LRRC8D: variants seen among roughly 807,000 people sequenced by gnomAD.
The protein encoded by LRRC8D is leucine rich repeat containing 8 VRAC subunit D, also known as volume-regulated anion channel subunit LRRC8D.
LRRC8D carries 20 observed loss-of-function variants against 55.8 expected under a neutral mutation model. The observed-to-expected ratio is 0.36, with a 90% CI of 0.25 to 0.52. The LOEUF (loss-of-function observed/expected upper bound fraction) is 0.52, where lower values mean the gene tolerates loss of function less well. Among genes scored for constraint, LRRC8D ranks in the 20% least tolerant of loss-of-function variants. LRRC8D has a pLI of 0.93. For missense variants in LRRC8D, 651 were observed against 1,030.8 expected, an observed-to-expected ratio of 0.63 and a Z score of 5.05; for synonymous variants, 352 against 377.0, an observed-to-expected ratio of 0.93 and a Z score of 0.77.
intron 2 of LRRC8D, among the ~76,000 whole-genome samples, chr1:89,912,421 T>C (rs145610317): frequency 1.7e-5 from 2 of 115,330 alleles, no homozygotes; most frequent in African/African-American, 6.7e-5. Flanking sequence ...CCCCACCCTT[T>C]GGTGTTCTGG....
At chr1:89,850,056 A>G (rs1186898713) in intron 2 of LRRC8D, among the ~76,000 whole-genome samples, 1 of 152,160 alleles carries the variant, frequency 6.6e-6, no homozygotes, top group Non-Finnish European at 1.5e-5. Context: ...GTAATTTGAG[A>G]TACGAAGTAT....
chr1:89,882,084 G>T (rs1662299202), intron 2 of LRRC8D, among the ~76,000 whole-genome samples: 1 of 152,200 alleles, frequency 6.6e-6, no homozygotes, highest in African/African-American at 2.4e-5. Flanking sequence ...TTAGGACCAG[G>T]ACCTATGTTT....
chr1:89,825,577 T>G (rs891889261), intron 1 of LRRC8D, among the ~76,000 whole-genome samples: 4 of 152,244 alleles, frequency 2.6e-5, no homozygotes, highest in African/African-American at 9.6e-5. Flanking sequence ...TTTTCTTTTT[T>G]GCTAATATGC....
intron 2 of LRRC8D, among the ~76,000 whole-genome samples, chr1:89,904,891 C>T (rs557361730): frequency 9.2e-5 from 14 of 152,108 alleles, no homozygotes; most frequent in Admixed American, 2.6e-4. Context: ...AAATGTTGAC[C>T]GCGTTAAAGT....
In LRRC8D at chr1:89,825,757, T is replaced by C. The variant is rs142791991; in HGVS notation, c.-148+4466T>C. ...ACATTAGGAAATTACCATTCCCAGA[T>C]GTCTTCTGAAGCTGGCAGGTAAGAA... On this transcript the variant is annotated intron_variant, in intron 1 of 2. Coordinates refer to ENST00000337338, the MANE Select transcript of LRRC8D (RefSeq NM_001134479.2). 5.3e-3 allele frequency among the ~76,000 whole-genome samples: 806 copies of C among 152,372 alleles called. 1 individual carries two copies. Among genetic ancestry groups the C allele is most frequent in the Middle Eastern group, 0.014 (4 of 294 alleles).
rs1200354411 is a variant in LRRC8D, at chr1:89,828,087, T to C, written c.-148+6796T>C. ...CAGCTCAGAACCACCATCTTAGTAG[T>C]TGTGCACGAAGGCTGGGTACTGACT... On this transcript the variant is annotated intron_variant, in intron 1 of 2. Transcript: ENST00000337338. Among the ~76,000 whole-genome samples the C allele has an allele frequency of 2.0e-5, 3 of 152,360 alleles. No homozygotes were observed. In the East Asian group the frequency reaches 5.8e-4, roughly 29 times the overall value.
At chr1:89,870,459 A>G (rs1661977579) in intron 2 of LRRC8D, among the ~76,000 whole-genome samples, 2 of 152,110 alleles carry the variant, frequency 1.3e-5, no homozygotes, top group Non-Finnish European at 2.9e-5. Context: ...CTGGGCGACA[A>G]AGCGAGACCC....
At chr1:89,892,462 TCTAG>T (rs1662601787) in intron 2 of LRRC8D, among the ~76,000 whole-genome samples, 2 of 152,302 alleles carry the variant, frequency 1.3e-5, no homozygotes, top group African/African-American at 4.8e-5. Context: ...TATTTAGCAC[TCTAG>T]GTGCAGTCAT....
chr1:89,924,034 C>G (rs564467063), intron 2 of LRRC8D, among the ~76,000 whole-genome samples: 19 of 152,334 alleles, frequency 1.2e-4, no homozygotes, highest in African/African-American at 3.6e-4. Context: ...GAATTTATGA[C>G]TAAGTCCCCA....
At chr1:89,871,631 G>A (rs767520871) in intron 2 of LRRC8D, among the ~76,000 whole-genome samples, 6 of 151,924 alleles carry the variant, frequency 3.9e-5, no homozygotes, top group Non-Finnish European at 5.9e-5. Flanking sequence ...TCTTTCTACT[G>A]TTTACAGGAA....
rs541463125 is a variant in LRRC8D at position 89,851,716 on chromosome 1, C to T, written c.-3+7934C>T. ...GTAGAGATGGGGTTTCACCATGTTG[C>T]GCAGGCTGGTCTCAAACTCCTGAGC... On this transcript the variant is annotated intron_variant, in intron 2 of 2. Coordinates refer to ENST00000337338, the MANE Select transcript of LRRC8D (RefSeq NM_001134479.2). Among the ~76,000 whole-genome samples the T allele has an allele frequency of 3.3e-5, 5 of 151,970 alleles. No homozygotes were observed. The South Asian group carries it at 8.3e-4, about 25-fold the overall frequency.
chr1:89,896,746 CCTTT>C (rs886764243), intron 2 of LRRC8D, among the ~76,000 whole-genome samples: 6 of 152,092 alleles, frequency 3.9e-5, no homozygotes, highest in Non-Finnish European at 7.4e-5. Flanking sequence ...TTTCTTTCTC[CCTTT>C]CTGTCTTTCT....
At chr1:89,868,455 A>G (rs72716329) in intron 2 of LRRC8D, among the ~76,000 whole-genome samples, 217 of 152,272 alleles carry the variant, frequency 1.4e-3, no homozygotes, top group Non-Finnish European at 2.4e-3. Flanking sequence ...CCCTCAACAC[A>G]TGCATGAAAG....
At chr1:89,863,904 A>G (rs763531934) in intron 2 of LRRC8D, among the ~76,000 whole-genome samples, 2 of 152,206 alleles carry the variant, frequency 1.3e-5, no homozygotes, top group Non-Finnish European at 2.9e-5. Flanking sequence ...GTGAATTTGC[A>G]TGGAGAGGTT....
chr1:89,858,050 G>A (rs1169937070), intron 2 of LRRC8D, among the ~76,000 whole-genome samples: 1 of 152,094 alleles, frequency 6.6e-6, no homozygotes, highest in African/African-American at 2.4e-5. Context: ...CCAACATGGT[G>A]AAACCCCGTC....
chr1:89,914,116 G>A (rs1663197149), intron 2 of LRRC8D, among the ~76,000 whole-genome samples: 1 of 152,220 alleles, frequency 6.6e-6, no homozygotes, highest in Non-Finnish European at 1.5e-5. Flanking sequence ...TGGTAAAGAA[G>A]TAAAAATTAT....
chr1:89,846,768 C>T (rs1570815794), intron 2 of LRRC8D: 1 of 151,898 alleles, frequency 6.6e-6, no homozygotes, highest in South Asian at 2.1e-4. Flanking sequence ...TTGTATTCTG[C>T]CAAAATTCTA....
chr1:89,849,691 C>T (rs1029889931), intron 2 of LRRC8D, among the ~76,000 whole-genome samples: 7 of 151,956 alleles, frequency 4.6e-5, no homozygotes, highest in African/African-American at 1.7e-4. Flanking sequence ...CTTTAGCCTG[C>T]CCTTTATTTT....
rs879006497 is a variant in LRRC8D, at chr1:89,911,953, A to G, written c.-2-21114A>G. Among the ~76,000 whole-genome samples, 1 of 152,040 alleles carries G rather than the reference A, an allele frequency of 6.6e-6. No homozygotes were observed. ...TTCTTCTCCCAGTTCCCTAAATGCT[A>G]GTGATCCCCTGGATTCTGCCATTGG... On this transcript the variant is annotated intron_variant, in intron 2 of 2. Coordinates refer to ENST00000337338, the MANE Select transcript of LRRC8D (RefSeq NM_001134479.2). This position sits in a 1 kb window ranked among gnomAD's most constrained non-coding sequence, Gnocchi z 4.0.
Sources: gnomAD v4.1 joint callset for allele counts (sites outside exome capture counted in the v4.1 genomes callset) on GRCh38, gnomAD v4.1.1 for gene constraint, Gnocchi (gnomAD v3.1) non-coding constraint, MANE v1.5 for transcripts, NCBI Gene and HGNC (gene_info 2026-07-23, HGNC 2026-07-21) for gene names.